Variants in HEMK1 observed in about 807,000 individuals in gnomAD.
The protein encoded by HEMK1 is MTRF1L release factor glutamine methyltransferase.
Under a neutral mutation model 47.9 loss-of-function variants are expected in HEMK1, and 36 were observed. The ratio of observed to expected loss-of-function variants is 0.75; its 90% CI spans 0.58 to 0.99. HEMK1 has a LOEUF of 0.99. Ranked by LOEUF, HEMK1 falls within the 50% of genes least tolerant of loss-of-function variation. The probability of loss-of-function intolerance (pLI) is 0.00; values close to 1 mark genes in which losing one functional copy is unlikely to be tolerated. For synonymous variants in HEMK1, 153 were observed against 165.4 expected (o/e 0.93, Z 0.57); for missense variants, 383 against 434.5 (o/e 0.88, Z 1.05).
Position 50,571,036 on chromosome 3 carries a change from C to A in HEMK1, c.-69C>A. ...GTCCAGGGGCCACTCTCAGCACTCA[C>A]CTCAGCAGCTGACATCATAAAGCAG... On this transcript the variant is annotated 5_prime_UTR_variant, in exon 2 of 11. Coordinates refer to ENST00000232854, the MANE Select transcript of HEMK1 (RefSeq NM_016173.5). The A allele has an allele frequency of 1.6e-6, 2 of 1,269,260 alleles. No individual in the cohort carries two copies. The highest frequency in any genetic ancestry group is 2.2e-5 in the Admixed American group (1 of 45,572). 78.6% of individuals were successfully genotyped at this position (1,269,260 alleles called of 1,614,324 possible). A position where few individuals can be genotyped will look rare whatever the true frequency, so the allele number is the denominator to read the frequency against.
chr3:50,570,990 T>C lies in HEMK1; in HGVS notation c.-115T>C. ...TTTTGGGGCACCAGAGCTTGTGACC[T>C]CTCCATCTCCACCCAGCTGGGTCCA... On this transcript the variant is annotated 5_prime_UTR_variant, in exon 2 of 11. Transcript: ENST00000232854. 1 of 733,944 alleles carries C rather than the reference T, an allele frequency of 1.4e-6. No individual in the cohort carries two copies. The highest frequency in any genetic ancestry group is 2.2e-6 in the Non-Finnish European group (1 of 458,416). The allele number at this position is 733,944 out of a possible 1,614,324, so 45.5% of individuals were successfully genotyped here. A position where few individuals can be genotyped will look rare whatever the true frequency, so the allele number is the denominator to read the frequency against.
rs1381703912 is a variant in HEMK1, at chr3:50,595,007, C to T, written c.*14590C>T. ...CTCTGCCTCCCAGGTTCAAACGATT[C>T]TCCTGCCTCAGGCTCCCGAGTACTG... is the stretch of plus-strand genomic sequence containing the variant. On this transcript the variant is annotated 3_prime_UTR_variant, in exon 11 of 11. Coordinates refer to ENST00000232854, the MANE Select transcript of HEMK1 (RefSeq NM_016173.5). 1 of 151,538 alleles carries T rather than the reference C, an allele frequency of 6.6e-6. No homozygotes were observed. The highest frequency in any genetic ancestry group is 1.5e-5 in the Non-Finnish European group (1 of 68,056). The allele number at this position is 151,538 out of a possible 1,614,324, so 9.4% of individuals were successfully genotyped here. A position where few individuals can be genotyped will look rare whatever the true frequency, so the allele number is the denominator to read the frequency against.
intron 4 of HEMK1, among the ~76,000 whole-genome samples, chr3:50,574,001 G>T (rs1228751634): frequency 4.6e-5 from 7 of 152,154 alleles, no homozygotes; most frequent in Admixed American, 1.3e-4. Flanking sequence ...CACCTCCCTG[G>T]GTCTGCCCCA....
In HEMK1 at chr3:50,589,210, A is replaced by C. The variant is rs1227852600; in HGVS notation, c.*8793A>C. ...TGTTTGATTTTGGTAGCACAGGACA[A>C]AGTGACCGCTGATTCTCACAGATAA... On this transcript the variant is annotated 3_prime_UTR_variant, in exon 11 of 11. Coordinates refer to ENST00000232854, the MANE Select transcript of HEMK1 (RefSeq NM_016173.5). The C allele has an allele frequency of 6.6e-6, 1 of 152,212 alleles. No individual in the cohort carries two copies. Among genetic ancestry groups the C allele is most frequent in the Non-Finnish European group, 1.5e-5 (1 of 68,040 alleles). 9.4% of individuals were successfully genotyped at this position (152,212 alleles called of 1,614,324 possible). A position where few individuals can be genotyped will look rare whatever the true frequency, so the allele number is the denominator to read the frequency against.
chr3:50,572,287 A>AG, intron 4 of HEMK1, 79 bp downstream of exon 4: 1 of 1,533,770 alleles, frequency 6.5e-7, no homozygotes, highest in Non-Finnish European at 8.8e-7. Flanking sequence ...GGCTTCCTCC[A>AG]GGGGGCACTG....
chr3:50,577,269 T>A, intron 5 of HEMK1, 83 bp downstream of exon 5: 2 of 1,477,204 alleles, frequency 1.4e-6, no homozygotes, highest in Non-Finnish European at 1.8e-6. Flanking sequence ...ATCCCTCTGC[T>A]AGGAGCGCTT....
chr3:50,579,719 GATTT>G, intron 8 of HEMK1, 121 bp from the exon 9 acceptor site: 1 of 685,236 alleles, frequency 1.5e-6, no homozygotes, highest in Non-Finnish European at 2.5e-6. Context: ...TGGGTCCTCA[GATTT>G]GCCCTTCAGC....
intron 2 of HEMK1, 188 bp from the exon 3 acceptor site, chr3:50,571,522 C>A (rs1700955649): frequency 2.9e-6 from 2 of 690,874 alleles, no homozygotes; most frequent in African/African-American, 1.8e-5. Context: ...CCTAAGTGTT[C>A]TGGGATAGAC....
rs1235782346 is a variant in HEMK1, at chr3:50,578,123, C to T, written c.664+248C>T. On this transcript the variant is annotated intron_variant, in intron 7 of 10. Coordinates refer to ENST00000232854, the MANE Select transcript of HEMK1 (RefSeq NM_016173.5). ...TAAGGGACCAGCCACAGAGAACTTC[C>T]GAATTCCTCACAACCAATGAGTTAA... 2.6e-5 allele frequency among the ~76,000 whole-genome samples: 4 copies of T among 152,306 alleles called. No homozygotes were observed. In the South Asian group the frequency reaches 8.3e-4, roughly 32 times the overall value.
At chr3:50,577,664 G>A in intron 6 of HEMK1, 91 bp downstream of exon 6, 1 of 1,433,816 alleles carries the variant, frequency 7.0e-7, no homozygotes, top group Non-Finnish European at 9.8e-7. Flanking sequence ...CCAAGAAGGA[G>A]GAAGCAGTGG....
chr3:50,583,990 T>C lies in HEMK1; in HGVS notation c.*3573T>C, dbSNP rs1041270143. On this transcript the variant is annotated 3_prime_UTR_variant, in exon 11 of 11. Transcript: ENST00000232854. ...TCTAGAATAGAGCTGGGACTTCCCATGTGGCCCACATCTGACCTGGCAGCC... is the reference window on the plus strand; with the variant it reads ...TCTAGAATAGAGCTGGGACTTCCCACGTGGCCCACATCTGACCTGGCAGCC... 3 of 152,254 alleles carry C rather than the reference T, an allele frequency of 2.0e-5. No individual in the cohort carries two copies. The highest frequency in any genetic ancestry group is 7.2e-5 in the African/African-American group (3 of 41,462). 9.4% of individuals were successfully genotyped at this position (152,254 alleles called of 1,614,324 possible).
chr3:50,572,299 G>A (rs1701089487), intron 4 of HEMK1, 91 bp downstream of exon 4: 2 of 1,462,996 alleles, frequency 1.4e-6, no homozygotes, highest in Non-Finnish European at 1.9e-6. Flanking sequence ...GGGGCACTGG[G>A]GCCCCATGAC....
chr3:50,575,221 G>A (rs186529051), intron 4 of HEMK1, among the ~76,000 whole-genome samples: 62 of 152,146 alleles, frequency 4.1e-4, no homozygotes, highest in African/African-American at 1.4e-3. Context: ...TCGGGAGTTC[G>A]AGACCAGCCT....
At position 50,581,771 on chromosome 3, in the gene HEMK1, C is replaced by T. The variant is rs2030841182; in HGVS notation, c.*1354C>T. 1 of 152,278 alleles carries T rather than the reference C, an allele frequency of 6.6e-6. No individual in the cohort carries two copies. The highest frequency in any genetic ancestry group is 2.4e-5 in the African/African-American group (1 of 41,444). 9.4% of individuals were successfully genotyped at this position (152,278 alleles called of 1,614,324 possible). On this transcript the variant is annotated 3_prime_UTR_variant, in exon 11 of 11. Transcript: ENST00000232854. The stretch of plus-strand genomic sequence containing the variant: ...CCTATATTGCTGGAGTCATACCCAG[C>T]CTAAGTGTTGCCCTGCACTATGGCT...
rs760433153 is a variant in HEMK1 at position 50,577,863 on chromosome 3, G to A, written c.652G>A (p.Asp218Asn). The change falls in exon 7 of 11, where the codon GAC (aspartate) becomes AAC (asparagine). Residue 218 changes from aspartate to asparagine, a missense_variant. Transcript: ENST00000232854. ...LQDRIWIIHL[D>N]MTSERSWTHL... is the part of the protein sequence containing the mutation. ...GGACAGGATTTGGATCATCCACCTC[G>A]ACATGACCTCAGGTACCCTCCCCTG... 8.1e-6 allele frequency: 13 copies of A among 1,613,926 alleles called. No homozygotes were observed. The highest frequency in any genetic ancestry group is 6.7e-5 in the African/African-American group (5 of 74,876).
In HEMK1 at chr3:50,587,025, A is replaced by G. The variant is rs2031423898; in HGVS notation, c.*6608A>G. On this transcript the variant is annotated 3_prime_UTR_variant, in exon 11 of 11. Transcript: ENST00000232854. This position sits in a 1 kb window ranked among gnomAD's most constrained non-coding sequence, Gnocchi z 4.2. Reference sequence around the variant, plus strand: ...ACATGGGGTTTTTAGTTGTCCCCACATTACAAAGTTGAGGACACCAAGGCT... The same window carrying G: ...ACATGGGGTTTTTAGTTGTCCCCACGTTACAAAGTTGAGGACACCAAGGCT... The G allele has an allele frequency of 6.6e-6, 1 of 151,722 alleles. No individual in the cohort carries two copies. The highest frequency in any genetic ancestry group is 6.6e-5 in the Admixed American group (1 of 15,240). 9.4% of individuals were successfully genotyped at this position (151,722 alleles called of 1,614,324 possible).
At chr3:50,577,417 G>T (rs376323750) in intron 5 of HEMK1, 92 bp from the exon 6 acceptor site, 1 of 1,293,508 alleles carries the variant, frequency 7.7e-7, no homozygotes. Flanking sequence ...TTCTCTTCTG[G>T]TGGGGGGTTG....
chr3:50,579,326 G>A (rs2030372122), intron 8 of HEMK1, among the ~76,000 whole-genome samples: 1 of 152,156 alleles, frequency 6.6e-6, no homozygotes, highest in South Asian at 2.1e-4. Flanking sequence ...CTTGTCTGTG[G>A]TCGCATGGGG....
chr3:50,595,671 A>G lies in HEMK1; in HGVS notation c.*15254A>G, dbSNP rs912037912. On this transcript the variant is annotated 3_prime_UTR_variant, in exon 11 of 11. Transcript: ENST00000232854. ...AAGTGTGCAGAAATAGGAGAGAACC[A>G]TGGGGAATTGTCTCTCAATACCTTA... 1.2e-4 allele frequency: 19 copies of G among 152,368 alleles called. No homozygotes were observed. Among genetic ancestry groups the G allele is most frequent in the African/African-American group, 4.6e-4 (19 of 41,588 alleles). The allele number at this position is 152,368 out of a possible 1,614,324, so 9.4% of individuals were successfully genotyped here. A position where few individuals can be genotyped will look rare whatever the true frequency, so the allele number is the denominator to read the frequency against.
Sources: gnomAD v4.1 joint callset for allele counts (sites outside exome capture counted in the v4.1 genomes callset) on GRCh38, gnomAD v4.1.1 for gene constraint, Gnocchi (gnomAD v3.1) non-coding constraint, MANE v1.5 for transcripts, NCBI Gene and HGNC (gene_info 2026-07-23, HGNC 2026-07-21) for gene names.